H2AZ2: variants seen among roughly 807,000 people sequenced by gnomAD.
The protein encoded by H2AZ2 is H2A.Z variant histone 2.
Under a neutral mutation model 15.5 loss-of-function variants are expected in H2AZ2, and 5 were observed. The ratio of observed to expected loss-of-function variants is 0.32; its 90% CI spans 0.17 to 0.68. The LOEUF (loss-of-function observed/expected upper bound fraction) is 0.68. Among genes scored for constraint, H2AZ2 ranks in the 30% least tolerant of loss-of-function variants. H2AZ2 has a pLI of 0.72. For missense variants in H2AZ2, 42 were observed against 162.5 expected (o/e 0.26, Z 4.03); for synonymous variants, 44 against 57.4 (o/e 0.77, Z 1.05).
intron 2 of H2AZ2, 102 bp downstream of exon 2, chr7:44,843,175 A>AAAAAAAAAAAAT (rs1793317335): frequency 3.6e-6 from 1 of 281,302 alleles, no homozygotes; most frequent in African/African-American, 2.5e-5. Flanking sequence ...AAAAAAAAAA[A>AAAAAAAAAAAAT]GTCTGTAGTA....
chr7:44,843,367 A>G lies in H2AZ2; in HGVS notation c.4-13T>C, dbSNP rs1421933474. 1 of 1,598,482 alleles carries G rather than the reference A, an allele frequency of 6.3e-7. No homozygotes were observed. The highest frequency in any genetic ancestry group is 8.5e-7 in the Non-Finnish European group (1 of 1,173,370). ...CTTTGCCTCCAGCCTAAATGCAAAA[A>G]AAAATTTTTTTGAATGAAAAGAGTT... On this transcript the variant is annotated splice_polypyrimidine_tract_variant and intron_variant, in intron 1 of 4. Coordinates refer to ENST00000308153, the MANE Select transcript of H2AZ2 (RefSeq NM_012412.5).
intron 1 of H2AZ2, 148 bp downstream of exon 1, chr7:44,847,821 G>C: frequency 1.8e-6 from 2 of 1,096,406 alleles, no homozygotes; most frequent in Admixed American, 2.8e-5. Context: ...CTGGGACATG[G>C]CGCCCCCCGG....
intron 1 of H2AZ2, among the ~76,000 whole-genome samples, chr7:44,847,245 G>A (rs1489578611): frequency 6.6e-6 from 1 of 152,090 alleles, no homozygotes; most frequent in East Asian, 1.9e-4. Context: ...TTAAAATGGG[G>A]CTGAAGTTCT....
intron 3 of H2AZ2, among the ~76,000 whole-genome samples, chr7:44,836,828 C>CT (rs1020200430): frequency 1.3e-5 from 2 of 151,182 alleles, no homozygotes; most frequent in African/African-American, 4.9e-5. Context: ...AACCCTGTCT[C>CT]TACTAAAAAT....
At chr7:44,826,946 T>C (rs1792933277) in exon 5 of H2AZ2, 3 of 152,240 alleles carry the variant, frequency 2.0e-5, no homozygotes, top group Non-Finnish European at 4.4e-5. Flanking sequence ...CCATTAATAT[T>C]AGTATGCTAT....
At position 44,832,197 on chromosome 7, in the gene H2AZ2, T is replaced by TA. The variant is rs911108139; in HGVS notation, c.*2303dup. 6.6e-6 allele frequency among the ~76,000 whole-genome samples: 1 copy of TA among 151,914 alleles called. No homozygotes were observed. The highest frequency in any genetic ancestry group is 2.1e-4 in the South Asian group (1 of 4,824). Reference sequence around the variant, plus strand: ...ATCTTGACTCGAATAAACCAACTGTTAAAAAAAACTTACGAGACAATCAGG... The same window carrying TA: ...ATCTTGACTCGAATAAACCAACTGTTAAAAAAAAACTTACGAGACAATCAGG... On this transcript the variant is annotated 3_prime_UTR_variant, in exon 5 of 5. Coordinates refer to ENST00000308153, the MANE Select transcript of H2AZ2 (RefSeq NM_012412.5).
intron 3 of H2AZ2, among the ~76,000 whole-genome samples, chr7:44,837,627 A>C (rs1019043333): frequency 3.3e-5 from 5 of 150,892 alleles, no homozygotes; most frequent in Admixed American, 2.0e-4. Flanking sequence ...ACTAGCTGGG[A>C]CTACAGGTGC....
At chr7:44,841,490 G>A (rs1388133422) in intron 2 of H2AZ2, among the ~76,000 whole-genome samples, 3 of 152,080 alleles carry the variant, frequency 2.0e-5, no homozygotes, top group Non-Finnish European at 4.4e-5. Flanking sequence ...AAAGTATCCT[G>A]ATCCCACTTG....
downstream of H2AZ2, among the ~76,000 whole-genome samples, chr7:44,831,197 A>G (rs1238915942): frequency 6.6e-6 from 1 of 152,140 alleles, no homozygotes; most frequent in African/African-American, 2.4e-5. Flanking sequence ...AACATAAAAA[A>G]GCTATCTTTT....
downstream of H2AZ2, among the ~76,000 whole-genome samples, chr7:44,831,539 C>G (rs111904389): frequency 1.8e-3 from 279 of 151,704 alleles, no homozygotes; most frequent in African/African-American, 4.5e-3. Flanking sequence ...CTCCCCCCCC[C>G]GCTTCTTTTT....
intron 1 of H2AZ2, 44 bp downstream of exon 1, chr7:44,847,925 G>T: frequency 6.5e-7 from 1 of 1,528,446 alleles, no homozygotes. Context: ...TCCGCGCTCT[G>T]CTCTCCCAGG....
intron 1 of H2AZ2, 87 bp downstream of exon 1, chr7:44,847,882 G>T (rs1793453879): frequency 6.6e-7 from 1 of 1,521,072 alleles, no homozygotes; most frequent in South Asian, 1.2e-5. Flanking sequence ...GCAAACTCCC[G>T]ACTCCACAGG....
At chr7:44,836,847 T>C (rs1273236286) in intron 3 of H2AZ2, among the ~76,000 whole-genome samples, 2 of 151,568 alleles carry the variant, frequency 1.3e-5, no homozygotes, top group African/African-American at 4.8e-5. Flanking sequence ...ATACAAAAAA[T>C]TAGCTGGGTG....
rs750146360 is a variant in H2AZ2, at chr7:44,833,906, TG to T, written c.*594del. On this transcript the variant is annotated 3_prime_UTR_variant, in exon 5 of 5. Coordinates refer to ENST00000308153, the MANE Select transcript of H2AZ2 (RefSeq NM_012412.5). ...GGCCTGGCACATGGTAAGTGCTTGG[TG>T]TAGAATTCAAATAATTCCACTACCA... Among the ~76,000 whole-genome samples, 76 of 152,350 alleles carry T rather than the reference TG, an allele frequency of 5.0e-4. No homozygotes were observed. The highest frequency in any genetic ancestry group is 8.8e-4 in the Non-Finnish European group (60 of 68,028).
intron 1 of H2AZ2, among the ~76,000 whole-genome samples, chr7:44,846,019 A>G (rs1181542204): frequency 7.5e-6 from 1 of 133,194 alleles, no homozygotes; most frequent in African/African-American, 2.9e-5. Flanking sequence ...TTGGTTTTAA[A>G]AAATTACACA....
At position 44,833,582 on chromosome 7, in the gene H2AZ2, C is replaced by T. The variant is rs1793045853; in HGVS notation, c.*919G>A. On this transcript the variant is annotated 3_prime_UTR_variant, in exon 5 of 5. Coordinates refer to ENST00000308153, the MANE Select transcript of H2AZ2 (RefSeq NM_012412.5). The stretch of plus-strand genomic sequence containing the variant: ...GCCAGGCTGGTCTCAAACTCCTGAC[C>T]TCAAGTGTTCCACCAGCCTCGGTCT... 1.6e-6 allele frequency: 1 copy of T among 617,600 alleles called. No homozygotes were observed. Among genetic ancestry groups the T allele is most frequent in the Non-Finnish European group, 2.0e-6 (1 of 493,868 alleles). 38.3% of individuals were successfully genotyped at this position (617,600 alleles called of 1,614,324 possible). A position where few individuals can be genotyped will look rare whatever the true frequency, so the allele number is the denominator to read the frequency against.
At chr7:44,847,670 G>A (rs1793446063) in intron 1 of H2AZ2, among the ~76,000 whole-genome samples, 1 of 152,154 alleles carries the variant, frequency 6.6e-6, no homozygotes, top group African/African-American at 2.4e-5. Flanking sequence ...TTTCCAAGCC[G>A]GATTCTGCCG....
chr7:44,843,137 CAAAAAAAAAAAAAAAAAAAAAA>C lies in H2AZ2; in HGVS notation c.81+118_81+139del, dbSNP rs55941046. On this transcript the variant is annotated intron_variant, in intron 2 of 4. Coordinates refer to ENST00000308153, the MANE Select transcript of H2AZ2 (RefSeq NM_012412.5). ...CTGACGACAGAGTGAGACTCTGTCT[CAAAAAAAAAAAAAAAAAAAAAA>C]AAAAAAAAAAAAAAAAGTCTGTAGT... The C allele has an allele frequency of 2.1e-3, 185 of 86,098 alleles. 1 individual carries two copies. Among genetic ancestry groups the C allele is most frequent in the Middle Eastern group, 4.3e-3 (1 of 234 alleles). 5.3% of individuals were successfully genotyped at this position (86,098 alleles called of 1,614,324 possible).
chr7:44,845,168 G>A (rs916372239), intron 1 of H2AZ2, among the ~76,000 whole-genome samples: 5 of 152,058 alleles, frequency 3.3e-5, no homozygotes, highest in Admixed American at 3.3e-4. Flanking sequence ...GCACGTCTAA[G>A]TGGATTAAGT....
Sources: gnomAD v4.1 joint callset for allele counts (sites outside exome capture counted in the v4.1 genomes callset) on GRCh38, gnomAD v4.1.1 for gene constraint, MANE v1.5 for transcripts, NCBI Gene and HGNC (gene_info 2026-07-23, HGNC 2026-07-21) for gene names.